The following PHACTR3 variants were observed in gnomAD, a reference collection of about 807,000 sequenced individuals.
PHACTR3 encodes protein phosphatase 1, regulatory subunit 123.
In PHACTR3, 16 loss-of-function variants were observed where a neutral mutation model predicts 66.8. That is an observed-to-expected ratio of 0.24 (90% CI 0.16 to 0.36). The LOEUF is 0.36. PHACTR3 is among the 10% of genes least tolerant of loss of function. The pLI is 1.00. For synonymous variants in PHACTR3, 323 were observed against 292.1 expected, an observed-to-expected ratio of 1.11 and a Z score of -1.08; for missense variants, 647 against 719.9, an observed-to-expected ratio of 0.90 and a Z score of 1.16.
chr20:59,733,787 T>A (rs1443142914), intron 1 of PHACTR3, among the ~76,000 whole-genome samples: 1 of 152,140 alleles, frequency 6.6e-6, no homozygotes, highest in East Asian at 1.9e-4. Context: ...CTTGCTAGGG[T>A]CTTGATGGAA....
At chr20:59,618,717 G>A (rs756011280) in intron 1 of PHACTR3, among the ~76,000 whole-genome samples, 7 of 151,984 alleles carry the variant, frequency 4.6e-5, no homozygotes, top group Non-Finnish European at 7.4e-5. Context: ...TGTGCAAGAG[G>A]TGCTGTCTCA....
chr20:59,700,897 C>T (rs1293008310), intron 1 of PHACTR3, among the ~76,000 whole-genome samples: 1 of 152,124 alleles, frequency 6.6e-6, no homozygotes, highest in Non-Finnish European at 1.5e-5. Context: ...TCAAGGGATC[C>T]TCCCGCCTCA....
intron 8 of PHACTR3, among the ~76,000 whole-genome samples, chr20:59,811,417 G>A (rs2147017727): frequency 6.6e-6 from 1 of 152,298 alleles, no homozygotes; most frequent in South Asian, 2.1e-4. Context: ...CCAGCACTTT[G>A]GGAGGCTGAG....
intron 1 of PHACTR3, among the ~76,000 whole-genome samples, chr20:59,692,442 T>C (rs1258382322): frequency 6.6e-6 from 1 of 152,214 alleles, no homozygotes; most frequent in Non-Finnish European, 1.5e-5. Flanking sequence ...CCTGGGCTTG[T>C]GGTTTGGTTG....
chr20:59,689,296 T>C (rs983965970), intron 1 of PHACTR3, among the ~76,000 whole-genome samples: 6 of 152,156 alleles, frequency 3.9e-5, no homozygotes, highest in African/African-American at 1.4e-4. Flanking sequence ...CAGTTCCAGG[T>C]TGGCCAGAAG....
At chr20:59,742,819 T>C (rs909294542) in intron 1 of PHACTR3, among the ~76,000 whole-genome samples, 3 of 152,188 alleles carry the variant, frequency 2.0e-5, no homozygotes, top group African/African-American at 7.2e-5. Context: ...CAGCGTTTCA[T>C]GCTGGAATTA....
intron 1 of PHACTR3, among the ~76,000 whole-genome samples, chr20:59,709,554 T>C (rs2037837569): frequency 6.6e-6 from 1 of 152,240 alleles, no homozygotes; most frequent in Admixed American, 6.5e-5. Context: ...GTTATCTGCA[T>C]AGACACTTTC....
chr20:59,831,075 G>A (rs2042357689), intron 8 of PHACTR3, among the ~76,000 whole-genome samples: 2 of 151,924 alleles, frequency 1.3e-5, no homozygotes, highest in Admixed American at 6.5e-5. Context: ...CACAGCACAG[G>A]GCCAGGTGTG....
At chr20:59,631,825 A>G (rs2034676018) in intron 1 of PHACTR3, among the ~76,000 whole-genome samples, 2 of 152,100 alleles carry the variant, frequency 1.3e-5, no homozygotes, top group African/African-American at 4.8e-5. Flanking sequence ...GCTGGCATGG[A>G]TGACTGGGCT....
intron 2 of PHACTR3, among the ~76,000 whole-genome samples, chr20:59,746,001 C>T (rs1306968324): frequency 1.3e-5 from 2 of 152,204 alleles, no homozygotes; most frequent in Admixed American, 1.3e-4. Flanking sequence ...AGGCCTCCAC[C>T]CCTGTTCTTC....
intron 1 of PHACTR3, among the ~76,000 whole-genome samples, chr20:59,685,471 A>G (rs2426813): frequency 0.093 from 14,090 of 152,046 alleles, 870 homozygotes; most frequent in East Asian, 0.22. Context: ...TGTTGAAAGG[A>G]CCCGTCTGGT....
intron 1 of PHACTR3, among the ~76,000 whole-genome samples, chr20:59,663,888 T>G (rs2035900845): frequency 6.6e-6 from 1 of 152,250 alleles, no homozygotes; most frequent in African/African-American, 2.4e-5. Context: ...CTTGCTTGTT[T>G]ATTTTACTGA....
chr20:59,814,863 C>G (rs1356926576), intron 8 of PHACTR3, among the ~76,000 whole-genome samples: 1 of 152,090 alleles, frequency 6.6e-6, no homozygotes, highest in Non-Finnish European at 1.5e-5. Context: ...CCTGTGGGGC[C>G]TCCGCGGTTG....
At chr20:59,703,194 T>C (rs1159459987) in intron 1 of PHACTR3, among the ~76,000 whole-genome samples, 1 of 152,178 alleles carries the variant, frequency 6.6e-6, no homozygotes, top group Non-Finnish European at 1.5e-5. Flanking sequence ...CAAGCATGAA[T>C]AGCCTTTTTT....
At chr20:59,644,566 G>A (rs185777534) in intron 1 of PHACTR3, among the ~76,000 whole-genome samples, 1 of 152,322 alleles carries the variant, frequency 6.6e-6, no homozygotes, top group Admixed American at 6.5e-5. Context: ...TTAGCAGCCT[G>A]TAGCAAGTAT....
chr20:59,743,578 T>C (rs922234359), intron 2 of PHACTR3, among the ~76,000 whole-genome samples: 12 of 152,214 alleles, frequency 7.9e-5, no homozygotes, highest in African/African-American at 2.4e-4. Flanking sequence ...TACTTAGGGC[T>C]GGGTTGGGCC....
intron 1 of PHACTR3, among the ~76,000 whole-genome samples, chr20:59,717,204 A>G (rs965478997): frequency 2.0e-5 from 3 of 152,156 alleles, no homozygotes; most frequent in African/African-American, 7.2e-5. Context: ...TTGAGTGTTT[A>G]TTTAGTGTAT....
At chr20:59,782,333 C>A (rs1471451198) in intron 7 of PHACTR3, among the ~76,000 whole-genome samples, 1 of 152,104 alleles carries the variant, frequency 6.6e-6, no homozygotes, top group Non-Finnish European at 1.5e-5. Flanking sequence ...CTCACTGCAA[C>A]CTCCACCTCC....
In PHACTR3 at chr20:59,806,220, C is replaced by T. The variant is rs570381047; in HGVS notation, c.1328+26C>T. On this transcript the variant is annotated intron_variant, in intron 8 of 12. Coordinates refer to ENST00000371015, the MANE Select transcript of PHACTR3 (RefSeq NM_080672.5). The stretch of plus-strand genomic sequence containing the variant: ...GTAAGTGGCAGCTTGCGGGCACAGC[C>T]GGGCCTGTGCTCTGGCCTTGCAGGC... 6.5e-5 allele frequency: 104 copies of T among 1,609,392 alleles called. 1 individual carries two copies. Among genetic ancestry groups the T allele is most frequent in the South Asian group, 5.7e-4 (51 of 90,106 alleles).
Sources: allele counts gnomAD v4.1 joint callset (sites outside exome capture counted in the v4.1 genomes callset), GRCh38; gene constraint gnomAD v4.1.1; transcripts MANE v1.5; gene names NCBI Gene and HGNC (gene_info 2026-07-23, HGNC 2026-07-21).